POLR2B: variants seen among roughly 807,000 people sequenced by gnomAD.
The protein encoded by POLR2B is DNA-directed RNA polymerase II subunit RPB2.
POLR2B carries 57 observed loss-of-function variants against 144.6 expected under a neutral mutation model. The ratio of observed to expected loss-of-function variants is 0.39; its 90% CI spans 0.32 to 0.49. The LOEUF (loss-of-function observed/expected upper bound fraction) is 0.49, where lower values mean the gene tolerates loss of function less well. Among genes scored for constraint, POLR2B ranks in the 20% least tolerant of loss-of-function variants. POLR2B has a pLI of 0.83. For synonymous variants in POLR2B, 442 were observed against 469.8 expected, an observed-to-expected ratio of 0.94 and a Z score of 0.77; for missense variants, 595 against 1,467.4, an observed-to-expected ratio of 0.41 and a Z score of 9.71.
At position 57,017,671 on chromosome 4, in the gene POLR2B, AAGCC is replaced by A. The variant is rs1393851899; in HGVS notation, c.2268_2271del (p.Lys756AsnfsTer3). The A allele has an allele frequency of 6.2e-7, 1 of 1,613,752 alleles. No homozygotes were observed. Among genetic ancestry groups the A allele is most frequent in the Non-Finnish European group, 8.5e-7 (1 of 1,179,838 alleles). ...GGCCCATGTTCTCTATTATCCTCAAAAGCCACTTGTGACTACACGGTCTATGGAA... is the reference window on the plus strand; with the variant it reads ...GGCCCATGTTCTCTATTATCCTCAAAACTTGTGACTACACGGTCTATGGAA... On this transcript the variant is annotated frameshift_variant, in exon 16 of 25. Transcript: ENST00000314595. LOFTEE classifies it high-confidence loss of function. This position sits in a 1 kb window ranked among gnomAD's most constrained non-coding sequence, Gnocchi z 4.8.
At chr4:57,008,906 GT>G (rs1217231513) in intron 10 of POLR2B, among the ~76,000 whole-genome samples, 1 of 152,142 alleles carries the variant, frequency 6.6e-6, no homozygotes, top group East Asian at 1.9e-4. Flanking sequence ...GCAGTTCTGG[GT>G]TTTCAAATCA....
chr4:56,993,654 C>T (rs1054032666), intron 3 of POLR2B, among the ~76,000 whole-genome samples: 1 of 151,490 alleles, frequency 6.6e-6, no homozygotes, highest in African/African-American at 2.4e-5. Context: ...TGAAAAATTT[C>T]TTTTTTTTTC....
chr4:57,023,547 C>T lies in POLR2B; in HGVS notation c.2733C>T (p.Leu911=). ...TTGTGGATCAGGTTATGGTAACTCT[C>T]AATCAGGAAGGATATAAATTTTGTA... ...TGIVDQVMVT[L]NQEGYKFCKI... The change falls in exon 19 of 25, where the codon CTC becomes CTT. Residue 911 remains leucine, a synonymous_variant. Coordinates refer to ENST00000314595, the MANE Select transcript of POLR2B (RefSeq NM_000938.3). The surrounding 1 kb of genome is among the most constrained non-coding windows in gnomAD (Gnocchi z 4.3). The T allele has an allele frequency of 6.2e-7, 1 of 1,613,856 alleles. No individual in the cohort carries two copies. Among genetic ancestry groups the T allele is most frequent in the South Asian group, 1.1e-5 (1 of 91,064 alleles).
intron 7 of POLR2B, among the ~76,000 whole-genome samples, chr4:57,001,580 C>CT (rs1255155834): frequency 2.6e-5 from 4 of 152,162 alleles, no homozygotes; most frequent in Non-Finnish European, 5.9e-5. Context: ...AATTTATGCA[C>CT]TTTTTTGGCA....
rs1723629054 is a variant in POLR2B, at chr4:57,023,921, C to T, written c.2857-84C>T. 4 of 829,638 alleles carry T rather than the reference C, an allele frequency of 4.8e-6. No homozygotes were observed. The highest frequency in any genetic ancestry group is 7.8e-6 in the Non-Finnish European group (4 of 515,160). 51.4% of individuals were successfully genotyped at this position (829,638 alleles called of 1,614,324 possible). On this transcript the variant is annotated intron_variant, in intron 20 of 24. Transcript: ENST00000314595. The surrounding 1 kb of genome is among the most constrained non-coding windows in gnomAD (Gnocchi z 4.3). ...ATGTTTAAACAGAATTTGGGACATA[C>T]AGTAATTCAGTTGGGAGAACTGAAA...
At chr4:57,027,095 G>A (rs867404632) in intron 23 of POLR2B, among the ~76,000 whole-genome samples, 1 of 151,794 alleles carries the variant, frequency 6.6e-6, no homozygotes, top group Non-Finnish European at 1.5e-5. Context: ...GGCAACCTCC[G>A]CCTCCCGGAT....
At chr4:57,005,567 CCT>C in intron 8 of POLR2B, 31 bp from the exon 9 acceptor site, 1 of 1,519,522 alleles carries the variant, frequency 6.6e-7, no homozygotes, top group East Asian at 2.4e-5. Context: ...AAGTGTTTTC[CCT>C]CTTTCTTTCT....
chr4:57,010,357 C>A lies in POLR2B; in HGVS notation c.1405-4C>A. ...GACTTTAAAGATTGGCTATTTTTTT[C>A]TAGGTGTTAAACCGCCTGACTTTTG... On this transcript the variant is annotated splice_region_variant and splice_polypyrimidine_tract_variant and intron_variant, in intron 10 of 24. Transcript: ENST00000314595. The A allele has an allele frequency of 6.2e-7, 1 of 1,609,824 alleles. No individual in the cohort carries two copies.
intron 1 of POLR2B, among the ~76,000 whole-genome samples, chr4:56,979,945 C>T (rs2109633747): frequency 6.6e-6 from 1 of 151,962 alleles, no homozygotes; most frequent in South Asian, 2.1e-4. Flanking sequence ...ATTTTCGTAG[C>T]CGCCTTTTCC....
At chr4:57,020,031 A>G (rs71601672) in intron 16 of POLR2B, among the ~76,000 whole-genome samples, 9,479 of 152,076 alleles carry the variant, frequency 0.062, 346 homozygotes, top group Middle Eastern at 0.088. Flanking sequence ...ATGAATATCA[A>G]GTTATTTTAT....
intron 7 of POLR2B, among the ~76,000 whole-genome samples, chr4:57,001,496 A>G (rs1334554418): frequency 6.6e-6 from 1 of 152,246 alleles, no homozygotes; most frequent in Non-Finnish European, 1.5e-5. Flanking sequence ...AACAAAGTAT[A>G]TAGAGGACAG....
chr4:56,996,246 ATGTGTGTGTGTGTGTG>A (rs143954538), intron 6 of POLR2B, among the ~76,000 whole-genome samples: 3 of 62,630 alleles, frequency 4.8e-5, no homozygotes, highest in African/African-American at 1.2e-4. Context: ...GTGTATGTAT[ATGTGTGTGTGTGTGTG>A]TATATATATA....
intron 6 of POLR2B, among the ~76,000 whole-genome samples, chr4:56,999,157 T>C (rs537078652): frequency 6.6e-6 from 1 of 152,078 alleles, no homozygotes; most frequent in Non-Finnish European, 1.5e-5. Flanking sequence ...TGATTTAATA[T>C]TTATTTTTTA....
At chr4:56,997,072 G>C (rs1225198485) in intron 6 of POLR2B, among the ~76,000 whole-genome samples, 1 of 152,028 alleles carries the variant, frequency 6.6e-6, no homozygotes, top group East Asian at 1.9e-4. Flanking sequence ...CAGCGTGGGT[G>C]ACAGAGCCAG....
chr4:56,991,196 C>T lies in POLR2B; in HGVS notation c.243+298C>T, dbSNP rs185906912. Among the ~76,000 whole-genome samples the T allele has an allele frequency of 1.6e-3, 241 of 152,158 alleles. 1 individual carries two copies. Among genetic ancestry groups the T allele is most frequent in the African/African-American group, 5.7e-3 (237 of 41,506 alleles). On this transcript the variant is annotated intron_variant, in intron 3 of 24. Coordinates refer to ENST00000314595, the MANE Select transcript of POLR2B (RefSeq NM_000938.3). ...TCACATTGCTTTAGATAGATAACCC[C>T]GCTTTTTTCTCTCACAGTGTAAAAA...
chr4:57,021,551 A>G (rs1723551589), intron 17 of POLR2B, among the ~76,000 whole-genome samples: 1 of 147,290 alleles, frequency 6.8e-6, no homozygotes, highest in Non-Finnish European at 1.5e-5. Flanking sequence ...CAGTGGTGCA[A>G]TCTTGGCTCA....
In POLR2B at chr4:56,994,732, T is replaced by G. The variant is rs765732690; in HGVS notation, c.442T>G (p.Phe148Val). The G allele has an allele frequency of 6.2e-7, 1 of 1,613,724 alleles. No individual in the cohort carries two copies. The highest frequency in any genetic ancestry group is 8.5e-7 in the Non-Finnish European group (1 of 1,179,660). Reference protein sequence around the residue: ...EQLQTQHQKTFIGKIPIMLRS... With the variant: ...EQLQTQHQKTVIGKIPIMLRS... ...ACTTCAGACTCAGCATCAGAAAACT[T>G]TTATAGGAAAAATTCCAATTATGTT... Residue 148 changes from phenylalanine (F) to valine (V), a missense_variant, in exon 5 of 25, where the codon TTT (phenylalanine) becomes GTT (valine). This residue lies in a region of POLR2B where 251 missense variants were observed against 567.3 expected (regional missense o/e 0.44). Coordinates refer to ENST00000314595, the MANE Select transcript of POLR2B (RefSeq NM_000938.3).
chr4:56,987,649 G>A (rs1056719970), intron 2 of POLR2B, among the ~76,000 whole-genome samples: 2 of 152,180 alleles, frequency 1.3e-5, no homozygotes, highest in South Asian at 2.1e-4. Context: ...GGGATGCTGA[G>A]GCAGTCAGAT....
intron 6 of POLR2B, among the ~76,000 whole-genome samples, chr4:56,997,276 TG>T (rs1469410341): frequency 6.6e-6 from 1 of 150,678 alleles, no homozygotes; most frequent in Non-Finnish European, 1.5e-5. Flanking sequence ...TTTTTTTTTC[TG>T]AGACAGGGTC....
Sources: allele counts gnomAD v4.1 joint callset (sites outside exome capture counted in the v4.1 genomes callset), GRCh38; gene constraint gnomAD v4.1.1; regional missense constraint gnomAD v4.1.1; non-coding constraint Gnocchi (gnomAD v3.1); transcripts MANE v1.5; gene names NCBI Gene and HGNC (gene_info 2026-07-23, HGNC 2026-07-21).